MAGI2: variants seen among roughly 807,000 people sequenced by gnomAD.
MAGI2 encodes the protein membrane associated guanylate kinase, WW and PDZ domain containing 2.
A neutral mutation model predicts 133.3 loss-of-function variants in MAGI2; 35 were observed. The ratio of observed to expected loss-of-function variants is 0.26; its 90% CI spans 0.20 to 0.35. MAGI2 has a LOEUF of 0.35. Ranked by LOEUF, MAGI2 falls within the 10% of genes least tolerant of loss-of-function variation. The probability of loss-of-function intolerance (pLI) is 1.00; values close to 1 mark genes in which losing one functional copy is unlikely to be tolerated. For synonymous variants in MAGI2, 729 were observed against 710.6 expected, an observed-to-expected ratio of 1.03 and a Z score of -0.41; for missense variants, 1,636 against 1,863.4, an observed-to-expected ratio of 0.88 and a Z score of 2.25.
intron 2 of MAGI2, among the ~76,000 whole-genome samples, chr7:78,903,345 T>C (rs1021770156): frequency 1.6e-4 from 25 of 151,754 alleles, no homozygotes; most frequent in African/African-American, 2.4e-4. Context: ...AGGCGCCCGC[T>C]ACCACGCCCG....
At chr7:78,361,424 AC>A (rs1792794098) in intron 7 of MAGI2, among the ~76,000 whole-genome samples, 1 of 148,608 alleles carries the variant, frequency 6.7e-6, no homozygotes, top group South Asian at 2.1e-4. Context: ...GACAAATACA[AC>A]CCCCCTCCCC....
intron 13 of MAGI2, among the ~76,000 whole-genome samples, chr7:78,182,526 C>T (rs1053913767): frequency 2.0e-5 from 3 of 152,180 alleles, no homozygotes; most frequent in Non-Finnish European, 2.9e-5. Flanking sequence ...TATGACTTTG[C>T]TCCTTCCTTC....
intron 3 of MAGI2, among the ~76,000 whole-genome samples, chr7:78,614,030 A>G (rs1806779401): frequency 6.6e-6 from 1 of 152,052 alleles, no homozygotes; most frequent in African/African-American, 2.4e-5. Flanking sequence ...GAATCAATTG[A>G]ACCTGGGAGG....
At chr7:78,139,904 G>C (rs1822570555) in intron 16 of MAGI2, among the ~76,000 whole-genome samples, 1 of 152,148 alleles carries the variant, frequency 6.6e-6, no homozygotes. Context: ...TTTTCCCATA[G>C]ATGAATGAAC....
chr7:79,404,277 C>T (rs1205406032), intron 1 of MAGI2, among the ~76,000 whole-genome samples: 2 of 152,082 alleles, frequency 1.3e-5, no homozygotes, highest in East Asian at 1.9e-4. Flanking sequence ...AAATAGTCTT[C>T]CCTGTTCATA....
intron 9 of MAGI2, among the ~76,000 whole-genome samples, chr7:78,302,285 T>C (rs1797897296): frequency 6.6e-6 from 1 of 152,208 alleles, no homozygotes; most frequent in East Asian, 1.9e-4. Flanking sequence ...TATAAATGCC[T>C]TGGTCCCATC....
chr7:78,582,049 G>C (rs1412924267), intron 3 of MAGI2, among the ~76,000 whole-genome samples: 1 of 152,190 alleles, frequency 6.6e-6, no homozygotes, highest in Non-Finnish European at 1.5e-5. Context: ...TAGCAGAAAA[G>C]GGGTAAGGGG....
At chr7:78,517,933 A>C (rs1487295359) in intron 4 of MAGI2, 1 of 152,100 alleles carries the variant, frequency 6.6e-6, no homozygotes. Flanking sequence ...CATTGAGTTT[A>C]GATAGATAAG....
intron 7 of MAGI2, among the ~76,000 whole-genome samples, chr7:78,352,658 G>A (rs143971661): frequency 7.2e-4 from 110 of 152,200 alleles, no homozygotes; most frequent in African/African-American, 2.3e-3. Flanking sequence ...GCTGGGAGGT[G>A]GAATCATGGC....
chr7:78,590,861 A>C (rs1803925555), intron 3 of MAGI2, among the ~76,000 whole-genome samples: 1 of 152,156 alleles, frequency 6.6e-6, no homozygotes, highest in Non-Finnish European at 1.5e-5. Context: ...CCTTTCCCTA[A>C]AGTAGTTCCA....
chr7:78,993,212 T>C (rs988361685), intron 2 of MAGI2, among the ~76,000 whole-genome samples: 1 of 152,054 alleles, frequency 6.6e-6, no homozygotes, highest in African/African-American at 2.4e-5. Context: ...TAGCATAATA[T>C]GTATGTATAA....
intron 2 of MAGI2, among the ~76,000 whole-genome samples, chr7:78,767,276 A>G (rs1300968831): frequency 2.0e-5 from 3 of 152,146 alleles, no homozygotes; most frequent in Non-Finnish European, 4.4e-5. Context: ...GGCGTGAGCC[A>G]CCACACCCAG....
intron 9 of MAGI2, among the ~76,000 whole-genome samples, chr7:78,324,153 CACACTACACTACACTACACACT>C (rs1175538359): frequency 1.4e-5 from 2 of 144,312 alleles, no homozygotes; most frequent in Non-Finnish European, 3.1e-5. Context: ...CACTACACTA[CACACTACACTACACTACACACT>C]ACACTACACT....
At chr7:79,418,791 A>G (rs1287118572) in intron 1 of MAGI2, among the ~76,000 whole-genome samples, 1 of 150,952 alleles carries the variant, frequency 6.6e-6, no homozygotes, top group Non-Finnish European at 1.5e-5. Flanking sequence ...TAGGTTTATT[A>G]GCCCCAACAA....
intron 1 of MAGI2, among the ~76,000 whole-genome samples, chr7:79,307,253 G>A (rs1342009484): frequency 6.6e-6 from 1 of 152,158 alleles, no homozygotes; most frequent in African/African-American, 2.4e-5. Context: ...CAAAACAGCA[G>A]TGTAAAATCA....
At chr7:79,304,207 G>GTGTGTGTGTC (rs1218695710) in intron 1 of MAGI2, among the ~76,000 whole-genome samples, 1 of 61,780 alleles carries the variant, frequency 1.6e-5, no homozygotes. Flanking sequence ...GTGTGTCTGT[G>GTGTGTGTGTC]TGTGTGTGTG....
intron 2 of MAGI2, among the ~76,000 whole-genome samples, chr7:78,866,211 C>A (rs1384763068): frequency 1.3e-5 from 2 of 152,174 alleles, no homozygotes; most frequent in Non-Finnish European, 2.9e-5. Context: ...GCATCATCAT[C>A]TGTCTTTAGT....
intron 21 of MAGI2, among the ~76,000 whole-genome samples, chr7:78,070,509 T>G (rs1814502693): frequency 6.8e-6 from 1 of 146,054 alleles, no homozygotes; most frequent in Non-Finnish European, 1.5e-5. Flanking sequence ...TGTGTATATA[T>G]ATGTGTGTAT....
chr7:79,256,908 G>T (rs1833728451), intron 1 of MAGI2, among the ~76,000 whole-genome samples: 1 of 152,094 alleles, frequency 6.6e-6, no homozygotes. Flanking sequence ...GAATTAGAAA[G>T]AACAACAATA....
Sources: allele counts gnomAD v4.1 joint callset (sites outside exome capture counted in the v4.1 genomes callset), GRCh38; gene constraint gnomAD v4.1.1; transcripts MANE v1.5; gene names NCBI Gene and HGNC (gene_info 2026-07-23, HGNC 2026-07-21).